Variants in TRPC5 observed in about 807,000 individuals in gnomAD.
TRPC5 encodes the protein short transient receptor potential channel 5.
TRPC5 carries 9 observed loss-of-function variants against 56.5 expected under a neutral mutation model. The ratio of observed to expected loss-of-function variants is 0.16; its 90% confidence interval spans 0.10 to 0.28. The LOEUF is 0.28. Among genes scored for constraint, TRPC5 ranks in the 10% least tolerant of loss-of-function variants. The pLI, the probability that TRPC5 is intolerant of heterozygous loss-of-function variation, is 1.00. For synonymous variants in TRPC5, 282 were observed against 278.5 expected, an observed-to-expected ratio of 1.01 and a Z score of -0.13; for missense variants, 469 against 748.9, an observed-to-expected ratio of 0.63 and a Z score of 4.36.
intron 1 of TRPC5, among the ~76,000 whole-genome samples, chrX:111,965,234 T>C (rs781246365): frequency 1.8e-5 from 2 of 111,781 alleles, no homozygotes; most frequent in South Asian, 7.5e-4. Context: ...AGAAGGCCAT[T>C]ACATAATGGT....
intron 1 of TRPC5, among the ~76,000 whole-genome samples, chrX:112,047,111 A>G (rs58941844): frequency 0.15 from 16,225 of 110,466 alleles, 1,095 homozygotes; most frequent in African/African-American, 0.24. Flanking sequence ...AGCATAGTAG[A>G]TGCTCAAAAA....
intron 1 of TRPC5, among the ~76,000 whole-genome samples, chrX:111,963,465 T>C (rs761611097): frequency 0.011 from 1,198 of 112,035 alleles, 3 homozygotes; most frequent in Non-Finnish European, 0.017. Flanking sequence ...CTGACAGCTT[T>C]GAAGAGAGTA....
intron 1 of TRPC5, among the ~76,000 whole-genome samples, chrX:111,976,745 C>G (rs1044837032): frequency 7.2e-5 from 8 of 110,878 alleles, no homozygotes; most frequent in African/African-American, 2.6e-4. Context: ...CTACAGAATT[C>G]ACACACAAAA....
intron 3 of TRPC5, among the ~76,000 whole-genome samples, chrX:111,895,599 G>A (rs1925025916): frequency 9.0e-6 from 1 of 110,696 alleles, no homozygotes. Context: ...CTGGTGGTGT[G>A]ATCTAGAAGC....
At chrX:111,993,296 T>C (rs1489903310) in intron 1 of TRPC5, among the ~76,000 whole-genome samples, 1 of 111,902 alleles carries the variant, frequency 8.9e-6, no homozygotes, top group Non-Finnish European at 1.9e-5. Flanking sequence ...TAATCCAGTC[T>C]ATCACTGATG....
chrX:111,790,523 C>G (rs187470021), intron 7 of TRPC5, among the ~76,000 whole-genome samples: 1 of 111,157 alleles, frequency 9.0e-6, no homozygotes, highest in Non-Finnish European at 1.9e-5. Context: ...CACACCTGTA[C>G]GTTGTGCACA....
rs559712368 is a variant in TRPC5, at chrX:111,867,812, G to A, written c.901-13706C>T. Among the ~76,000 whole-genome samples, 288 of 111,728 alleles carry A rather than the reference G, an allele frequency of 2.6e-3. 1 individual carries two copies. In the Middle Eastern group the frequency reaches 0.032, roughly 13 times the overall value. ...CATAATCCACACACAACTCTTCCCC[G>A]CCGTAGCATCCCCAAACCCACACAC... On this transcript the variant is annotated intron_variant, in intron 3 of 10. Coordinates refer to ENST00000262839, the MANE Select transcript of TRPC5 (RefSeq NM_012471.3).
intron 7 of TRPC5, among the ~76,000 whole-genome samples, chrX:111,798,995 C>T (rs1456835686): frequency 1.8e-5 from 2 of 111,416 alleles, no homozygotes; most frequent in African/African-American, 3.3e-5. Flanking sequence ...TGGCAGCTGA[C>T]GAGTTTGCAG....
At chrX:111,790,457 T>C (rs1946010503) in intron 7 of TRPC5, among the ~76,000 whole-genome samples, 1 of 110,997 alleles carries the variant, frequency 9.0e-6, no homozygotes, top group Non-Finnish European at 1.9e-5. Context: ...ATACCTAATG[T>C]AAATGATGAG....
At chrX:111,865,332 CTTT>C (rs60615139) in intron 3 of TRPC5, among the ~76,000 whole-genome samples, 6 of 93,951 alleles carry the variant, frequency 6.4e-5, no homozygotes, top group African/African-American at 1.2e-4. Flanking sequence ...CTAGCAGCTT[CTTT>C]TTTTTTTTTT....
chrX:111,844,444 T>TTTTC lies in TRPC5; in HGVS notation c.1700+2666_1700+2669dup, dbSNP rs1197829264. Among the ~76,000 whole-genome samples the TTTTC allele has an allele frequency of 4.6e-5, 5 of 109,450 alleles. No homozygotes were observed. In the East Asian group the frequency reaches 8.5e-4, roughly 19 times the overall value. On this transcript the variant is annotated intron_variant, in intron 6 of 10. Coordinates refer to ENST00000262839, the MANE Select transcript of TRPC5 (RefSeq NM_012471.3). ...CTGAGGAGAAGATTGTTTTTCTCTT[T>TTTTC]TTTCTTTCTTTCTTTCTTTTTTTTT...
intron 7 of TRPC5, among the ~76,000 whole-genome samples, chrX:111,797,438 G>A (rs1028166008): frequency 1.8e-5 from 2 of 111,747 alleles, no homozygotes; most frequent in Non-Finnish European, 3.8e-5. Flanking sequence ...GCTATTAATG[G>A]ATAAAGTGGA....
intron 1 of TRPC5, among the ~76,000 whole-genome samples, chrX:112,009,500 T>C (rs1428112524): frequency 8.9e-6 from 1 of 111,733 alleles, no homozygotes; most frequent in Non-Finnish European, 1.9e-5. Context: ...TGACTTTGAA[T>C]GTGATAACAT....
chrX:111,961,045 C>T (rs1038146070), intron 1 of TRPC5, among the ~76,000 whole-genome samples: 2 of 111,420 alleles, frequency 1.8e-5, no homozygotes, highest in East Asian at 2.8e-4. Context: ...CTCCTGATCT[C>T]GTGATCTGTC....
At chrX:111,971,849 A>G in intron 1 of TRPC5, among the ~76,000 whole-genome samples, 1 of 111,700 alleles carries the variant, frequency 9.0e-6, no homozygotes, top group Non-Finnish European at 1.9e-5. Flanking sequence ...ATATTGCTGT[A>G]AGTTTAATTT....
intron 2 of TRPC5, among the ~76,000 whole-genome samples, chrX:111,914,095 A>T (rs1236582819): frequency 9.0e-6 from 1 of 111,423 alleles, no homozygotes; most frequent in Non-Finnish European, 1.9e-5. Context: ...GGAGGGCTGG[A>T]ATAGTCAACA....
intron 3 of TRPC5, among the ~76,000 whole-genome samples, chrX:111,860,144 G>A (rs1176182990): frequency 8.9e-6 from 1 of 112,574 alleles, no homozygotes; most frequent in Non-Finnish European, 1.9e-5. Context: ...TCCTGACCTC[G>A]TGATCCGCCC....
intron 7 of TRPC5, among the ~76,000 whole-genome samples, chrX:111,827,690 T>A (rs1922281736): frequency 8.9e-6 from 1 of 112,099 alleles, no homozygotes; most frequent in Admixed American, 9.5e-5. Context: ...TCAGCTTTTG[T>A]CTGGGTTAGT....
At chrX:111,831,420 G>A (rs1922403639) in intron 7 of TRPC5, among the ~76,000 whole-genome samples, 1 of 111,902 alleles carries the variant, frequency 8.9e-6, no homozygotes, top group African/African-American at 3.2e-5. Context: ...GGGTGGGTGG[G>A]GAGACCACCT....
Sources: gnomAD v4.1 joint callset for allele counts (sites outside exome capture counted in the v4.1 genomes callset) on GRCh38, gnomAD v4.1.1 for gene constraint, MANE v1.5 for transcripts, NCBI Gene and HGNC (gene_info 2026-07-23, HGNC 2026-07-21) for gene names.